The following CCDC13 variants were observed in gnomAD, a reference collection of about 807,000 sequenced individuals.
CCDC13 encodes the protein coiled-coil domain-containing protein 13.
In CCDC13, 70 loss-of-function variants were observed where a neutral mutation model predicts 87.3. That is an observed-to-expected ratio of 0.80 (90% CI 0.66 to 0.98). The LOEUF (loss-of-function observed/expected upper bound fraction) is 0.98, where lower values mean the gene tolerates loss of function less well. CCDC13 is among the 50% of genes least tolerant of loss of function. The pLI, the probability that CCDC13 is intolerant of heterozygous loss-of-function variation, is 0.00. For missense variants in CCDC13, 842 were observed against 892.0 expected (o/e 0.94, Z 0.71); for synonymous variants, 317 against 360.3 (o/e 0.88, Z 1.36).
At chr3:42,718,563 G>C (rs2125872869) in intron 13 of CCDC13, among the ~76,000 whole-genome samples, 1 of 152,260 alleles carries the variant, frequency 6.6e-6, no homozygotes, top group South Asian at 2.1e-4. Flanking sequence ...CCTCTCTTGG[G>C]GTCTGGATCG....
intron 1 of CCDC13, among the ~76,000 whole-genome samples, chr3:42,769,733 T>C (rs1700015700): frequency 6.6e-6 from 1 of 152,200 alleles, no homozygotes; most frequent in Non-Finnish European, 1.5e-5. Context: ...CGGTGAGAAC[T>C]GGGGCTGCGC....
chr3:42,739,909 G>T (rs894664854), intron 8 of CCDC13, 99 bp from the exon 9 acceptor site: 2 of 1,160,074 alleles, frequency 1.7e-6, no homozygotes, highest in Non-Finnish European at 2.5e-6. Context: ...CGGGGCTGGG[G>T]GTGGGGGTGC....
Position 42,752,044 on chromosome 3 carries a change from T to C in CCDC13, c.514-19A>G. 1 of 1,596,522 alleles carries C rather than the reference T, an allele frequency of 6.3e-7. No individual in the cohort carries two copies. Among genetic ancestry groups the C allele is most frequent in the Non-Finnish European group, 8.5e-7 (1 of 1,175,240 alleles). On this transcript the variant is annotated intron_variant, in intron 4 of 15. Transcript: ENST00000310232. ...TCTGCAGCTGAAAAAGCAAACCTCG[T>C]GCTTAATACTCTGCTCAGCGATTGT...
At chr3:42,770,944 C>G (rs1287944392) in intron 1 of CCDC13, 1 of 152,254 alleles carries the variant, frequency 6.6e-6, no homozygotes, top group African/African-American at 2.4e-5. Context: ...CCTTTAAGAA[C>G]TGTAATAACA....
At chr3:42,736,750 C>A (rs1458943885) in intron 9 of CCDC13, among the ~76,000 whole-genome samples, 2 of 152,072 alleles carry the variant, frequency 1.3e-5, no homozygotes, top group East Asian at 1.9e-4. Flanking sequence ...CCAGCACCCC[C>A]CAAACACCCC....
chr3:42,721,603 C>T (rs545062455), intron 13 of CCDC13, among the ~76,000 whole-genome samples: 1 of 152,324 alleles, frequency 6.6e-6, no homozygotes, highest in African/African-American at 2.4e-5. Flanking sequence ...AAATTTGGAA[C>T]ATATTTGTTT....
At chr3:42,767,855 T>C (rs1446010323) in intron 1 of CCDC13, among the ~76,000 whole-genome samples, 2 of 151,886 alleles carry the variant, frequency 1.3e-5, no homozygotes, top group African/African-American at 4.8e-5. Context: ...GCACCTGTAA[T>C]CCCAGCTACC....
chr3:42,750,182 G>A (rs1174996888), intron 5 of CCDC13, among the ~76,000 whole-genome samples: 1 of 152,120 alleles, frequency 6.6e-6, no homozygotes, highest in Non-Finnish European at 1.5e-5. Flanking sequence ...TTTGGCTTTC[G>A]TTCCCCTTTT....
intron 9 of CCDC13, 136 bp from the exon 10 acceptor site, chr3:42,736,049 G>A (rs1699004537): frequency 1.3e-6 from 1 of 755,202 alleles, no homozygotes; most frequent in Non-Finnish European, 2.2e-6. Context: ...TCGAGAGGCA[G>A]GAACACCTTC....
chr3:42,757,002 T>C, intron 3 of CCDC13, 64 bp downstream of exon 3: 1 of 1,500,052 alleles, frequency 6.7e-7, no homozygotes, highest in Non-Finnish European at 9.2e-7. Context: ...TGGAACCTGC[T>C]GTCTGCCCTA....
At chr3:42,726,454 G>C (rs983023833) in intron 13 of CCDC13, among the ~76,000 whole-genome samples, 4 of 152,130 alleles carry the variant, frequency 2.6e-5, no homozygotes, top group Non-Finnish European at 5.9e-5. Context: ...AAATCACCCA[G>C]AATTCAGCCC....
At chr3:42,760,794 TTAAAA>T (rs1455072128) in intron 1 of CCDC13, among the ~76,000 whole-genome samples, 4 of 151,882 alleles carry the variant, frequency 2.6e-5, no homozygotes, top group African/African-American at 4.8e-5. Context: ...AATTAATTAA[TTAAAA>T]TAAAATAAAA....
intron 10 of CCDC13, among the ~76,000 whole-genome samples, chr3:42,734,079 G>A (rs1011474423): frequency 4.6e-5 from 7 of 152,114 alleles, no homozygotes; most frequent in Non-Finnish European, 8.8e-5. Flanking sequence ...CTTGGGTGGA[G>A]GCTAAGCCTG....
intron 1 of CCDC13, among the ~76,000 whole-genome samples, chr3:42,761,689 G>A (rs997529276): frequency 2.1e-4 from 32 of 152,300 alleles, no homozygotes; most frequent in African/African-American, 7.0e-4. Flanking sequence ...AAAAGCTTCA[G>A]CAGATGCCCC....
In CCDC13 at chr3:42,733,455, C is replaced by T; in HGVS notation, c.1511+15G>A. ...ATGTTCACTTTCCAACCCCTCCCTC[C>T]CATTGTTTTCTTACCGAGAAGATCC... On this transcript the variant is annotated intron_variant, in intron 11 of 15. Transcript: ENST00000310232. 6.2e-7 allele frequency: 1 copy of T among 1,613,874 alleles called. No individual in the cohort carries two copies. Among genetic ancestry groups the T allele is most frequent in the Non-Finnish European group, 8.5e-7 (1 of 1,179,914 alleles).
At chr3:42,765,427 T>C (rs564823493) in intron 1 of CCDC13, among the ~76,000 whole-genome samples, 87 of 152,124 alleles carry the variant, frequency 5.7e-4, no homozygotes, top group Non-Finnish European at 1.0e-3. Flanking sequence ...TTTTTTGAGA[T>C]GGAGTTTCAC....
intron 15 of CCDC13, among the ~76,000 whole-genome samples, 155 bp downstream of exon 15, chr3:42,709,529 C>T (rs970555078): frequency 6.6e-6 from 1 of 152,192 alleles, no homozygotes; most frequent in African/African-American, 2.4e-5. Flanking sequence ...GAAGGCCAGT[C>T]CCTGAATTGC....
chr3:42,760,481 G>A (rs1035439430), intron 1 of CCDC13, among the ~76,000 whole-genome samples: 3 of 152,046 alleles, frequency 2.0e-5, no homozygotes, highest in African/African-American at 7.2e-5. Flanking sequence ...GCTGGGTGTG[G>A]TGACACAGGC....
intron 13 of CCDC13, among the ~76,000 whole-genome samples, chr3:42,729,632 T>G (rs1173414102): frequency 1.3e-5 from 2 of 152,250 alleles, no homozygotes; most frequent in Non-Finnish European, 2.9e-5. Flanking sequence ...CATTTGGCCA[T>G]GCCATTTCAG....
Sources: gnomAD v4.1 joint callset for allele counts (sites outside exome capture counted in the v4.1 genomes callset) on GRCh38, gnomAD v4.1.1 for gene constraint, MANE v1.5 for transcripts, NCBI Gene and HGNC (gene_info 2026-07-23, HGNC 2026-07-21) for gene names.